ITPR2: variants seen among roughly 807,000 people sequenced by gnomAD.
ITPR2 encodes the protein inositol 1,4,5-trisphosphate receptor type 2.
Under a neutral mutation model 317.1 loss-of-function variants are expected in ITPR2, and 207 were observed. The observed-to-expected ratio is 0.65, with a 90% CI of 0.58 to 0.73. The LOEUF (loss-of-function observed/expected upper bound fraction) is 0.73. Ranked by LOEUF, ITPR2 falls within the 30% of genes least tolerant of loss-of-function variation. ITPR2 has a pLI of 0.00. For synonymous variants in ITPR2, 1,156 were observed against 1,149.1 expected, an observed-to-expected ratio of 1.01 and a Z score of -0.12; for missense variants, 2,613 against 3,284.0, an observed-to-expected ratio of 0.80 and a Z score of 4.99.
intron 26 of ITPR2, among the ~76,000 whole-genome samples, chr12:26,611,594 C>T (rs1049178748): frequency 5.0e-4 from 76 of 152,004 alleles, no homozygotes; most frequent in African/African-American, 1.8e-3. Context: ...AGCTGGCAAC[C>T]ATATATAGGT....
chr12:26,364,196 T>C (rs553425878), intron 55 of ITPR2, among the ~76,000 whole-genome samples: 4 of 152,204 alleles, frequency 2.6e-5, no homozygotes, highest in African/African-American at 9.7e-5. Flanking sequence ...TGAATCCACC[T>C]GTCCTGGGGA....
chr12:26,429,818 A>C (rs559812482), intron 48 of ITPR2, among the ~76,000 whole-genome samples: 9 of 152,370 alleles, frequency 5.9e-5, no homozygotes, highest in African/African-American at 2.2e-4. Flanking sequence ...CAATATCTTC[A>C]AGGCACATTT....
intron 1 of ITPR2, among the ~76,000 whole-genome samples, chr12:26,825,745 T>C (rs939587074): frequency 1.3e-5 from 2 of 152,206 alleles, no homozygotes; most frequent in African/African-American, 4.8e-5. Context: ...TAGTCACCCT[T>C]TCAGCTTAAA....
intron 21 of ITPR2, among the ~76,000 whole-genome samples, chr12:26,653,102 G>A (rs1221362150): frequency 6.6e-6 from 1 of 152,104 alleles, no homozygotes; most frequent in East Asian, 1.9e-4. Flanking sequence ...CTTATAAATG[G>A]TCAAGGCAGG....
intron 49 of ITPR2, among the ~76,000 whole-genome samples, chr12:26,423,645 AATAATTT>A (rs1178582512): frequency 5.9e-5 from 9 of 152,326 alleles, no homozygotes; most frequent in Non-Finnish European, 5.9e-5. Flanking sequence ...GAGGTTTACA[AATAATTT>A]TAATGGTATG....
At chr12:26,511,527 T>C (rs981879833) in intron 37 of ITPR2, among the ~76,000 whole-genome samples, 1 of 152,266 alleles carries the variant, frequency 6.6e-6, no homozygotes, top group Non-Finnish European at 1.5e-5. Flanking sequence ...AATAACTTTT[T>C]TTGTAAGTAT....
rs149206860 is a variant in ITPR2 at position 26,477,613 on chromosome 12, G to C, written c.6124-606C>G. Among the ~76,000 whole-genome samples the C allele has an allele frequency of 1.5e-3, 229 of 152,164 alleles. 1 individual carries two copies. In the Middle Eastern group the frequency reaches 0.017, roughly 11 times the overall value. ...CTTTGTTTACCTTTGGGTTGTGAAA[G>C]AATATCTTCTATTTTTGCTTAACAA... On this transcript the variant is annotated intron_variant, in intron 43 of 56. Transcript: ENST00000381340.
intron 37 of ITPR2, among the ~76,000 whole-genome samples, chr12:26,533,629 A>G (rs1403396811): frequency 1.3e-5 from 2 of 152,224 alleles, no homozygotes; most frequent in Non-Finnish European, 2.9e-5. Flanking sequence ...CCCTAATTCA[A>G]TATTACTAGT....
intron 37 of ITPR2, among the ~76,000 whole-genome samples, chr12:26,520,137 T>C (rs1018437419): frequency 2.6e-5 from 4 of 152,226 alleles, no homozygotes; most frequent in Non-Finnish European, 5.9e-5. Context: ...TTAATTGAGA[T>C]AGTTTTCTTA....
chr12:26,338,886 A>G lies in ITPR2; in HGVS notation c.*511T>C, dbSNP rs1938010152. 1 of 152,616 alleles carries G rather than the reference A, an allele frequency of 6.6e-6. No homozygotes were observed. The highest frequency in any genetic ancestry group is 6.5e-5 in the Admixed American group (1 of 15,304). The allele number at this position is 152,616 out of a possible 1,614,324, so 9.5% of individuals were successfully genotyped here. On this transcript the variant is annotated 3_prime_UTR_variant, in exon 57 of 57. Coordinates refer to ENST00000381340, the MANE Select transcript of ITPR2 (RefSeq NM_002223.4). ...CCTGTGACAGCTACAGTTTGGAAGC[A>G]TTATCATTTCTCTTTTCAGCTCTCA...
rs1444259698 is a variant in ITPR2, at chr12:26,366,157, T to C, written c.7857+21277A>G. 2.0e-5 allele frequency among the ~76,000 whole-genome samples: 3 copies of C among 152,274 alleles called. No homozygotes were observed. The East Asian group carries it at 5.8e-4, about 29-fold the overall frequency. On this transcript the variant is annotated intron_variant, in intron 55 of 56. Transcript: ENST00000381340. ...TTCTCTTTGCAAACTCTAAAGACAT[T>C]GCCCATGTGATGTGGAAAATGTTGT...
chr12:26,815,327 G>C (rs1173013997), intron 1 of ITPR2, among the ~76,000 whole-genome samples: 7 of 151,930 alleles, frequency 4.6e-5, no homozygotes, highest in Admixed American at 3.9e-4. Flanking sequence ...GTAAGACTCA[G>C]TCTCAAAAAA....
intron 45 of ITPR2, among the ~76,000 whole-genome samples, chr12:26,468,143 A>G (rs1035598262): frequency 3.3e-5 from 5 of 152,168 alleles, no homozygotes; most frequent in African/African-American, 9.6e-5. Context: ...TGCTGGCTGT[A>G]TTTTATCTAG....
At chr12:26,522,246 T>C (rs544713367) in intron 37 of ITPR2, among the ~76,000 whole-genome samples, 16 of 152,308 alleles carry the variant, frequency 1.1e-4, no homozygotes, top group African/African-American at 3.6e-4. Context: ...GTGTTCATCC[T>C]GTTTATACAC....
At chr12:26,820,144 T>C (rs756257204) in intron 1 of ITPR2, among the ~76,000 whole-genome samples, 1 of 152,120 alleles carries the variant, frequency 6.6e-6, no homozygotes, top group Non-Finnish European at 1.5e-5. Context: ...TCTGAGTGTG[T>C]AGAGAGAGAT....
chr12:26,461,097 A>G (rs905641349), intron 45 of ITPR2, among the ~76,000 whole-genome samples: 25 of 152,184 alleles, frequency 1.6e-4, no homozygotes, highest in Admixed American at 1.4e-3. Context: ...AACCACAGCA[A>G]TCGGAGAAAG....
intron 2 of ITPR2, among the ~76,000 whole-genome samples, chr12:26,786,254 G>T (rs1950241947): frequency 1.3e-5 from 1 of 76,238 alleles, no homozygotes; most frequent in Non-Finnish European, 3.3e-5. Flanking sequence ...CTTGAAGGCA[G>T]CGTGCTCCTT....
chr12:26,740,969 T>A (rs1949219721), intron 2 of ITPR2, among the ~76,000 whole-genome samples: 1 of 152,282 alleles, frequency 6.6e-6, no homozygotes, highest in Non-Finnish European at 1.5e-5. Flanking sequence ...TGGGCCACCA[T>A]GATTCCACTT....
chr12:26,654,566 A>G (rs1308419520), intron 20 of ITPR2, among the ~76,000 whole-genome samples: 1 of 152,198 alleles, frequency 6.6e-6, no homozygotes, highest in African/African-American at 2.4e-5. Context: ...GTCTACCTCC[A>G]AGATGTGGCC....
Sources: allele counts gnomAD v4.1 joint callset (sites outside exome capture counted in the v4.1 genomes callset), GRCh38; gene constraint gnomAD v4.1.1; transcripts MANE v1.5; gene names NCBI Gene and HGNC (gene_info 2026-07-23, HGNC 2026-07-21).